Variants in PIBF1 observed in about 807,000 individuals in gnomAD.
The protein encoded by PIBF1 is progesterone immunomodulatory binding factor 1.
In PIBF1, 90 loss-of-function variants were observed where a neutral mutation model predicts 112.5. The observed-to-expected ratio is 0.80, with a 90% confidence interval of 0.67 to 0.95. The LOEUF (loss-of-function observed/expected upper bound fraction) is 0.95, where lower values mean the gene tolerates loss of function less well. Among genes scored for constraint, PIBF1 ranks in the 40% least tolerant of loss-of-function variants. The probability of loss-of-function intolerance (pLI) is 0.00; values close to 1 mark genes in which losing one functional copy is unlikely to be tolerated. For missense variants in PIBF1, 915 were observed against 852.3 expected (o/e 1.07, Z -0.92); for synonymous variants, 301 against 288.6 (o/e 1.04, Z -0.44).
intron 13 of PIBF1, among the ~76,000 whole-genome samples, chr13:72,919,400 A>T (rs889299193): frequency 1.3e-5 from 2 of 152,194 alleles, no homozygotes; most frequent in African/African-American, 4.8e-5. Flanking sequence ...TCTGGTGAGG[A>T]TTCAGATATT....
At chr13:72,801,216 C>G (rs2035454784) in intron 5 of PIBF1, among the ~76,000 whole-genome samples, 1 of 152,074 alleles carries the variant, frequency 6.6e-6, no homozygotes, top group South Asian at 2.1e-4. Flanking sequence ...AGAGGTCTGA[C>G]ATGATCTGAC....
chr13:72,826,957 G>T, intron 6 of PIBF1, 53 bp from the exon 7 acceptor site: 1 of 999,424 alleles, frequency 1.0e-6, no homozygotes, highest in South Asian at 1.7e-5. Flanking sequence ...TAAAGTGTAC[G>T]CTGTACAAGG....
intron 3 of PIBF1, among the ~76,000 whole-genome samples, chr13:72,794,931 T>A (rs187178913): frequency 6.6e-6 from 1 of 152,214 alleles, no homozygotes; most frequent in South Asian, 2.1e-4. Flanking sequence ...ATTACTGTTT[T>A]CATTACCTCA....
chr13:72,793,682 A>G (rs879311504), intron 3 of PIBF1, among the ~76,000 whole-genome samples: 1 of 152,222 alleles, frequency 6.6e-6, no homozygotes, highest in African/African-American at 2.4e-5. Context: ...GTCATAAAAA[A>G]TGGTTGGATT....
chr13:72,878,027 G>A (rs1301883663), intron 10 of PIBF1, among the ~76,000 whole-genome samples: 1 of 152,022 alleles, frequency 6.6e-6, no homozygotes, highest in Non-Finnish European at 1.5e-5. Flanking sequence ...GGGATTACAG[G>A]TGTAAGTCAC....
At chr13:72,783,315 A>T in intron 1 of PIBF1, 108 bp from the exon 2 acceptor site, 1 of 596,158 alleles carries the variant, frequency 1.7e-6, no homozygotes, top group Non-Finnish European at 2.9e-6. Flanking sequence ...GGGATGCACT[A>T]AATTGCCTAA....
At chr13:72,913,761 CAAAA>C (rs570395102) in intron 12 of PIBF1, among the ~76,000 whole-genome samples, 15 of 124,340 alleles carry the variant, frequency 1.2e-4, no homozygotes, top group African/African-American at 4.3e-4. Flanking sequence ...GACTCTGTCT[CAAAA>C]AAAAAAAAAA....
intron 6 of PIBF1, among the ~76,000 whole-genome samples, chr13:72,822,830 T>C (rs1192315482): frequency 2.6e-5 from 4 of 152,260 alleles, no homozygotes; most frequent in Admixed American, 2.6e-4. Context: ...ATGGTATTTC[T>C]TATGTATATG....
At chr13:72,935,834 T>C (rs1277027951) in intron 14 of PIBF1, among the ~76,000 whole-genome samples, 1 of 152,132 alleles carries the variant, frequency 6.6e-6, no homozygotes, top group African/African-American at 2.4e-5. Context: ...GTTTATCTTC[T>C]TGGGAGAAGT....
At chr13:72,840,263 C>G (rs1440508472) in intron 9 of PIBF1, among the ~76,000 whole-genome samples, 2 of 152,066 alleles carry the variant, frequency 1.3e-5, no homozygotes, top group African/African-American at 4.8e-5. Context: ...TAAATTACTT[C>G]TTTTGAAATC....
At chr13:72,910,844 A>T (rs2040868638) in intron 12 of PIBF1, among the ~76,000 whole-genome samples, 1 of 152,218 alleles carries the variant, frequency 6.6e-6, no homozygotes, top group African/African-American at 2.4e-5. Context: ...AATAAATTTA[A>T]GCCAAAAAAC....
Position 73,015,936 on chromosome 13 carries a change from C to G in PIBF1, c.*17C>G. The G allele has an allele frequency of 6.5e-6, 10 of 1,549,514 alleles. No individual in the cohort carries two copies. Among genetic ancestry groups the G allele is most frequent in the Non-Finnish European group, 8.8e-6 (10 of 1,134,750 alleles). The stretch of plus-strand genomic sequence containing the variant: ...AAGACCTAGTGTTTTGGATGGGAAG[C>G]ACCTGTAGACCATTATATACTCCTG... On this transcript the variant is annotated 3_prime_UTR_variant, in exon 18 of 18. Transcript: ENST00000326291.
intron 14 of PIBF1, among the ~76,000 whole-genome samples, chr13:72,949,295 GCTGTCTT>G: frequency 1.6e-5 from 2 of 121,860 alleles, no homozygotes; most frequent in African/African-American, 6.2e-5. Flanking sequence ...TAGACAAATA[GCTGTCTT>G]TTTTTTTTTT....
intron 13 of PIBF1, among the ~76,000 whole-genome samples, chr13:72,929,083 G>C (rs1317297495): frequency 6.6e-6 from 1 of 152,084 alleles, no homozygotes; most frequent in South Asian, 2.1e-4. Flanking sequence ...AAATTACCAT[G>C]TTTAAGTGAC....
chr13:72,966,244 A>G (rs1467882803), intron 15 of PIBF1, among the ~76,000 whole-genome samples: 1 of 152,210 alleles, frequency 6.6e-6, no homozygotes, highest in Non-Finnish European at 1.5e-5. Context: ...CCTATTGGTA[A>G]CTAATTCCAA....
intron 14 of PIBF1, among the ~76,000 whole-genome samples, chr13:72,934,041 G>A (rs2041791100): frequency 6.6e-6 from 1 of 152,112 alleles, no homozygotes; most frequent in African/African-American, 2.4e-5. Context: ...GAAAGAATCA[G>A]TAACCCTATA....
chr13:72,974,306 A>G (rs2042967837), intron 16 of PIBF1: 1 of 152,214 alleles, frequency 6.6e-6, no homozygotes, highest in South Asian at 2.1e-4. Context: ...ACCACAATCA[A>G]TATATAGAAT....
Position 72,878,889 on chromosome 13 carries a change from G to C in PIBF1, c.1323-14895G>C, listed in dbSNP as rs534420764. 2.8e-4 allele frequency among the ~76,000 whole-genome samples: 42 copies of C among 152,132 alleles called. 1 individual carries two copies. The South Asian group carries it at 8.1e-3, about 29-fold the overall frequency. On this transcript the variant is annotated intron_variant, in intron 10 of 17. Transcript: ENST00000326291. ...CTCTTTATCCTTGATAACTTTTCTTGCTCTGAAGTCTGTTCTGTCTGAAAT... is the reference window on the plus strand; with the variant it reads ...CTCTTTATCCTTGATAACTTTTCTTCCTCTGAAGTCTGTTCTGTCTGAAAT...
At chr13:72,874,501 C>T (rs964469201) in intron 10 of PIBF1, among the ~76,000 whole-genome samples, 25 of 152,018 alleles carry the variant, frequency 1.6e-4, no homozygotes, top group African/African-American at 5.8e-4. Context: ...TGTTTGATTC[C>T]ATTTATGTGA....
Sources: gnomAD v4.1 joint callset for allele counts (sites outside exome capture counted in the v4.1 genomes callset) on GRCh38, gnomAD v4.1.1 for gene constraint, MANE v1.5 for transcripts, NCBI Gene and HGNC (gene_info 2026-07-23, HGNC 2026-07-21) for gene names.